Variants in GPC5 observed in about 807,000 individuals in gnomAD.
GPC5 encodes the protein glypican 5, also known as glypican-5.
A neutral mutation model predicts 53.9 loss-of-function variants in GPC5; 47 were observed. The ratio of observed to expected loss-of-function variants is 0.87; its 90% confidence interval spans 0.69 to 1.11. The LOEUF (loss-of-function observed/expected upper bound fraction) is 1.11. GPC5 is among the 50% of genes most tolerant of loss of function. The pLI is 0.00. For synonymous variants in GPC5, 286 were observed against 263.3 expected (o/e 1.09, Z -0.84); for missense variants, 748 against 713.1 (o/e 1.05, Z -0.56).
intron 6 of GPC5, among the ~76,000 whole-genome samples, chr13:91,989,182 G>C (rs1218605657): frequency 6.6e-6 from 1 of 152,112 alleles, no homozygotes; most frequent in Non-Finnish European, 1.5e-5. Flanking sequence ...CTTCCAGGCA[G>C]TTTTATAAAG....
intron 2 of GPC5, among the ~76,000 whole-genome samples, chr13:91,663,040 A>G (rs773109936): frequency 6.6e-6 from 1 of 152,192 alleles, no homozygotes; most frequent in Non-Finnish European, 1.5e-5. Flanking sequence ...CCTCACTTAC[A>G]ATGTCTAAGA....
chr13:92,482,573 T>A (rs1380113535), intron 7 of GPC5, among the ~76,000 whole-genome samples: 2 of 152,200 alleles, frequency 1.3e-5, no homozygotes, highest in East Asian at 3.9e-4. Context: ...CAGGGTTTTT[T>A]TCCCCCCTTA....
intron 7 of GPC5, among the ~76,000 whole-genome samples, chr13:92,398,428 C>CAAAAAAAAAAAAAAAAAAAAAAAAAAA (rs35873316): frequency 2.3e-5 from 2 of 87,650 alleles, no homozygotes; most frequent in African/African-American, 1.0e-4. Flanking sequence ...GACTCCGTCT[C>CAAAAAAAAAAAAAAAAAAAAAAAAAAA]AAAAAAAAAA....
At chr13:92,253,153 G>T (rs946246559) in intron 7 of GPC5, among the ~76,000 whole-genome samples, 1 of 152,114 alleles carries the variant, frequency 6.6e-6, no homozygotes, top group African/African-American at 2.4e-5. Context: ...TAAAATATGA[G>T]TAAGGTGAAT....
chr13:91,571,920 A>AC lies in GPC5; in HGVS notation c.326-121267_326-121266insC, dbSNP rs1566516177. Among the ~76,000 whole-genome samples the AC allele has an allele frequency of 4.0e-4, 43 of 107,854 alleles. 1 individual carries two copies. The highest frequency in any genetic ancestry group is 8.9e-4 in the South Asian group (2 of 2,236). The allele number at this position is 107,854 out of a possible 152,430, so 70.8% of individuals were successfully genotyped here. ...ATACACATATTGTATATATACACAT[A>AC]TTGTATATATACACACATGTATATA... is the stretch of plus-strand genomic sequence containing the variant. On this transcript the variant is annotated intron_variant, in intron 2 of 7. Coordinates refer to ENST00000377067, the MANE Select transcript of GPC5 (RefSeq NM_004466.6).
intron 6 of GPC5, among the ~76,000 whole-genome samples, chr13:92,035,545 A>T (rs1034995119): frequency 3.3e-5 from 5 of 152,100 alleles, no homozygotes; most frequent in African/African-American, 1.2e-4. Context: ...CTCTGCCTTT[A>T]CAGAAAACCA....
chr13:92,523,215 G>C (rs1385170069), intron 7 of GPC5, among the ~76,000 whole-genome samples: 1 of 152,038 alleles, frequency 6.6e-6, no homozygotes, highest in African/African-American at 2.4e-5. Context: ...TGACCTTCTG[G>C]AACTCGTGTG....
intron 7 of GPC5, among the ~76,000 whole-genome samples, chr13:92,837,433 G>C (rs192357157): frequency 7.2e-4 from 110 of 152,252 alleles, no homozygotes; most frequent in South Asian, 1.7e-3. Context: ...AAAAAGATGA[G>C]TTGATTTATA....
intron 7 of GPC5, among the ~76,000 whole-genome samples, chr13:92,608,275 T>C (rs1291715519): frequency 2.0e-5 from 3 of 152,190 alleles, no homozygotes; most frequent in Admixed American, 1.3e-4. Flanking sequence ...TACGTTGTTA[T>C]TAACTGTTAA....
intron 7 of GPC5, among the ~76,000 whole-genome samples, chr13:92,835,998 C>T (rs937324250): frequency 6.6e-6 from 1 of 151,806 alleles, no homozygotes; most frequent in Non-Finnish European, 1.5e-5. Flanking sequence ...CATTAATTTC[C>T]TCTTCATGTC....
intron 4 of GPC5, among the ~76,000 whole-genome samples, chr13:91,736,130 G>A (rs754757807): frequency 3.4e-4 from 51 of 151,232 alleles, no homozygotes; most frequent in Middle Eastern, 6.8e-3. Flanking sequence ...ACATTAGAAT[G>A]AGTATTTATA....
intron 7 of GPC5, among the ~76,000 whole-genome samples, chr13:92,753,837 A>G (rs1338480713): frequency 1.3e-5 from 2 of 152,198 alleles, no homozygotes; most frequent in African/African-American, 4.8e-5. Context: ...ATGTGAAAAG[A>G]CCAAATCTAC....
chr13:92,433,530 G>A (rs1877181487), intron 7 of GPC5, among the ~76,000 whole-genome samples: 1 of 152,142 alleles, frequency 6.6e-6, no homozygotes, highest in African/African-American at 2.4e-5. Flanking sequence ...TTGGAGATAA[G>A]AGTTCATGAT....
chr13:91,917,746 A>C (rs997223451), intron 6 of GPC5, among the ~76,000 whole-genome samples: 1 of 152,194 alleles, frequency 6.6e-6, no homozygotes, highest in Non-Finnish European at 1.5e-5. Flanking sequence ...TCCAGTTCCC[A>C]ACAAGTTCCT....
chr13:91,669,164 T>C (rs968949825), intron 2 of GPC5, among the ~76,000 whole-genome samples: 2 of 151,920 alleles, frequency 1.3e-5, no homozygotes, highest in African/African-American at 4.8e-5. Context: ...TTACATTGTA[T>C]GAAGGGTTGA....
At chr13:92,802,389 T>C (rs1342184111) in intron 7 of GPC5, among the ~76,000 whole-genome samples, 3 of 151,408 alleles carry the variant, frequency 2.0e-5, no homozygotes, top group African/African-American at 7.3e-5. Flanking sequence ...GACTATGTCT[T>C]TTTTTTTGTA....
chr13:92,507,383 G>T lies in GPC5; in HGVS notation c.1562-358899G>T, dbSNP rs1368557613. 2.0e-5 allele frequency among the ~76,000 whole-genome samples: 3 copies of T among 152,166 alleles called. No homozygotes were observed. In the East Asian group the frequency reaches 5.8e-4, roughly 29 times the overall value. ...TAAATGTATAAATGAAACAATGAATGAATGAATTTAGCTTTCTTTGGCTTC... is the reference window on the plus strand; with the variant it reads ...TAAATGTATAAATGAAACAATGAATTAATGAATTTAGCTTTCTTTGGCTTC... On this transcript the variant is annotated intron_variant, in intron 7 of 7. Transcript: ENST00000377067.
chr13:91,465,544 C>A (rs954599115), intron 2 of GPC5, among the ~76,000 whole-genome samples: 2 of 151,994 alleles, frequency 1.3e-5, no homozygotes, highest in African/African-American at 4.8e-5. Context: ...ATTGTTGACA[C>A]CTTCAGTTGA....
intron 5 of GPC5, among the ~76,000 whole-genome samples, chr13:91,828,446 G>A (rs1439363699): frequency 6.6e-6 from 1 of 151,866 alleles, no homozygotes; most frequent in African/African-American, 2.4e-5. Context: ...TGTTCTACTC[G>A]TTAAGAGTAC....
Sources: allele counts gnomAD v4.1 joint callset (sites outside exome capture counted in the v4.1 genomes callset), GRCh38; gene constraint gnomAD v4.1.1; transcripts MANE v1.5; gene names NCBI Gene and HGNC (gene_info 2026-07-23, HGNC 2026-07-21).